CNTLN: variants seen among roughly 807,000 people sequenced by gnomAD.
CNTLN encodes centlein, centrosomal protein.
A neutral mutation model predicts 180.0 loss-of-function variants in CNTLN; 212 were observed. The observed-to-expected ratio is 1.18, with a 90% confidence interval of 1.05 to 1.32. The LOEUF is 1.32. Ranked by LOEUF, CNTLN falls within the 40% of genes most tolerant of loss-of-function variation. The pLI is 0.00. For missense variants in CNTLN, 2,095 were observed against 1,610.9 expected (o/e 1.30, Z -5.14); for synonymous variants, 722 against 563.1 (o/e 1.28, Z -3.99).
At chr9:17,267,003 C>G (rs1408013635) in intron 5 of CNTLN, among the ~76,000 whole-genome samples, 2 of 152,134 alleles carry the variant, frequency 1.3e-5, no homozygotes, top group Admixed American at 1.3e-4. Flanking sequence ...ATTTGCCAGT[C>G]TGTGTCTTTT....
chr9:17,278,849 C>G (rs1255190577), intron 6 of CNTLN, among the ~76,000 whole-genome samples: 1 of 151,954 alleles, frequency 6.6e-6, no homozygotes, highest in East Asian at 1.9e-4. Context: ...TTTTCTCAGT[C>G]CTGATTTATA....
chr9:17,317,067 G>T lies in CNTLN; in HGVS notation c.1341+7815G>T, dbSNP rs370547972. ...TTTTTTTTTTTCTTAATGTTGAGAA[G>T]ATATCATGTCGTTATCATTGGGTTT... On this transcript the variant is annotated intron_variant, in intron 8 of 25. Transcript: ENST00000380647. Among the ~76,000 whole-genome samples the T allele has an allele frequency of 7.5e-4, 114 of 151,840 alleles. 1 individual carries two copies. The South Asian group carries it at 0.023, about 30-fold the overall frequency.
chr9:17,299,267 A>G (rs7026991), intron 7 of CNTLN: 64,359 of 142,460 alleles, frequency 0.45, 16,350 homozygotes, highest in South Asian at 0.65. Context: ...AAAAAAAAAA[A>G]CCTTTACTGA....
chr9:17,357,356 C>T (rs942799287), intron 12 of CNTLN, among the ~76,000 whole-genome samples: 1 of 151,732 alleles, frequency 6.6e-6, no homozygotes, highest in Non-Finnish European at 1.5e-5. Flanking sequence ...GTATCCTCCA[C>T]AGGCAGATAT....
At chr9:17,194,003 A>C (rs955784710) in intron 2 of CNTLN, among the ~76,000 whole-genome samples, 1 of 152,180 alleles carries the variant, frequency 6.6e-6, no homozygotes, top group Non-Finnish European at 1.5e-5. Context: ...CCATGGCTCA[A>C]ACTTTACGTT....
intron 12 of CNTLN, among the ~76,000 whole-genome samples, chr9:17,365,515 T>C (rs1167474081): frequency 6.6e-6 from 1 of 152,252 alleles, no homozygotes; most frequent in Non-Finnish European, 1.5e-5. Context: ...TATTTGGTTC[T>C]GGTCAAATAC....
At chr9:17,513,888 C>T in the CNTLN span, among the ~76,000 whole-genome samples, 1 of 151,914 alleles carries the variant, frequency 6.6e-6, no homozygotes, top group Non-Finnish European at 1.5e-5. Flanking sequence ...TGAAAACATG[C>T]AACATTAGTA....
At chr9:17,171,842 C>T (rs1473155032) in intron 2 of CNTLN, among the ~76,000 whole-genome samples, 2 of 152,084 alleles carry the variant, frequency 1.3e-5, no homozygotes, top group African/African-American at 4.8e-5. Flanking sequence ...GCTCCAGGGT[C>T]CAGGACATTG....
intron 23 of CNTLN, among the ~76,000 whole-genome samples, chr9:17,474,504 A>G (rs1832221572): frequency 6.6e-6 from 1 of 152,140 alleles, no homozygotes; most frequent in Non-Finnish European, 1.5e-5. Context: ...GTACCTATGC[A>G]TTAGTCTGCC....
At chr9:17,218,061 G>A (rs1446711190) in intron 2 of CNTLN, among the ~76,000 whole-genome samples, 1 of 151,924 alleles carries the variant, frequency 6.6e-6, no homozygotes, top group Non-Finnish European at 1.5e-5. Context: ...ATAATCTTCT[G>A]CATTTTAGTC....
intron 14 of CNTLN, among the ~76,000 whole-genome samples, 181 bp downstream of exon 14, chr9:17,388,434 A>C (rs905777436): frequency 2.5e-4 from 38 of 152,126 alleles, no homozygotes; most frequent in African/African-American, 8.9e-4. Flanking sequence ...AGTGAAATAA[A>C]TGTGTAAACA....
chr9:17,278,112 A>C (rs1828430004), intron 6 of CNTLN, among the ~76,000 whole-genome samples: 4 of 152,058 alleles, frequency 2.6e-5, no homozygotes, highest in Admixed American at 2.6e-4. Context: ...TGGGTAAATA[A>C]ATATCCGGAC....
intron 7 of CNTLN, chr9:17,301,426 A>T (rs1248949837): frequency 3.0e-6 from 3 of 985,202 alleles, no homozygotes; most frequent in Admixed American, 6.2e-5. Flanking sequence ...AAGAGAACAA[A>T]CTGAGATGTG....
intron 2 of CNTLN, among the ~76,000 whole-genome samples, chr9:17,149,581 G>C (rs141870635): frequency 7.2e-6 from 1 of 139,050 alleles, no homozygotes; most frequent in Admixed American, 7.8e-5. Flanking sequence ...GCAGTGGCTC[G>C]ATCTCAGCTC....
downstream of CNTLN, among the ~76,000 whole-genome samples, chr9:17,505,952 T>C (rs943693928): frequency 3.9e-5 from 6 of 151,906 alleles, no homozygotes; most frequent in African/African-American, 1.2e-4. Context: ...TGAAAAAGAA[T>C]AGAGAACCAA....
At chr9:17,306,561 C>G (rs1359711848) in intron 7 of CNTLN, among the ~76,000 whole-genome samples, 1 of 152,096 alleles carries the variant, frequency 6.6e-6, no homozygotes, top group African/African-American at 2.4e-5. Flanking sequence ...GAAGAAGGTC[C>G]CAAGATGTGA....
intron 10 of CNTLN, among the ~76,000 whole-genome samples, chr9:17,339,265 A>T (rs1194431197): frequency 1.3e-5 from 2 of 152,322 alleles, no homozygotes; most frequent in Non-Finnish European, 2.9e-5. Context: ...ATTGCAGTAA[A>T]ATAATGCAGA....
intron 18 of CNTLN, among the ~76,000 whole-genome samples, chr9:17,431,776 G>C (rs868658063): frequency 6.6e-6 from 1 of 152,110 alleles, no homozygotes; most frequent in Non-Finnish European, 1.5e-5. Flanking sequence ...TTAATGTGTA[G>C]AAGATTAAGA....
At chr9:17,161,311 A>G (rs1819662832) in intron 2 of CNTLN, among the ~76,000 whole-genome samples, 1 of 152,156 alleles carries the variant, frequency 6.6e-6, no homozygotes, top group Admixed American at 6.5e-5. Flanking sequence ...GAAAAAGGAC[A>G]TTTTGAATAT....
Sources: gnomAD v4.1 joint callset for allele counts (sites outside exome capture counted in the v4.1 genomes callset) on GRCh38, gnomAD v4.1.1 for gene constraint, MANE v1.5 for transcripts, NCBI Gene and HGNC (gene_info 2026-07-23, HGNC 2026-07-21) for gene names.